CRACD: variants seen among roughly 807,000 people sequenced by gnomAD.
CRACD encodes capping protein inhibiting regulator of actin dynamics, also known as capping protein-inhibiting regulator of actin dynamics.
In CRACD, 56 loss-of-function variants were observed where a neutral mutation model predicts 106.8. The observed-to-expected ratio is 0.52, with a 90% CI of 0.42 to 0.66. The LOEUF (loss-of-function observed/expected upper bound fraction) is 0.66. Among genes scored for constraint, CRACD ranks in the 30% least tolerant of loss-of-function variants. CRACD has a pLI of 0.00. For missense variants in CRACD, 1,730 were observed against 1,623.2 expected (o/e 1.07, Z -1.13); for synonymous variants, 754 against 670.8 (o/e 1.12, Z -1.92).
rs2109488116 is a variant in CRACD at position 56,209,127 on chromosome 4, A to T, written c.-189+29697A>T. ...TTATCAATAAAGCTAATTTTAATAA[A>T]ACCTTATAAACAAACTCATTCAATG... is the stretch of plus-strand genomic sequence containing the variant. On this transcript the variant is annotated intron_variant, in intron 2 of 10. Transcript: ENST00000682029. Among the ~76,000 whole-genome samples, 4 of 152,314 alleles carry T rather than the reference A, an allele frequency of 2.6e-5. 1 individual carries two copies. The highest frequency in any genetic ancestry group is 9.6e-5 in the African/African-American group (4 of 41,578).
At chr4:56,248,576 G>GT (rs200848903) in intron 2 of CRACD, among the ~76,000 whole-genome samples, 16 of 147,006 alleles carry the variant, frequency 1.1e-4, no homozygotes, top group African/African-American at 1.5e-4. Context: ...TTACCTATGT[G>GT]TTTTTTTTTT....
intron 2 of CRACD, among the ~76,000 whole-genome samples, chr4:56,192,404 A>C (rs1234262137): frequency 6.6e-6 from 1 of 152,142 alleles, no homozygotes; most frequent in Non-Finnish European, 1.5e-5. Context: ...CAAAAAAAAA[A>C]AAAGAAAGTA....
chr4:56,215,578 T>C (rs567566973), intron 2 of CRACD, among the ~76,000 whole-genome samples: 46 of 152,362 alleles, frequency 3.0e-4, no homozygotes, highest in African/African-American at 1.1e-3. Context: ...GACTATGAGC[T>C]CTTGAGAAAC....
intron 2 of CRACD, among the ~76,000 whole-genome samples, chr4:56,235,638 A>G (rs1739923530): frequency 1.3e-5 from 2 of 152,204 alleles, no homozygotes; most frequent in African/African-American, 4.8e-5. Flanking sequence ...AAGTATGATC[A>G]TGTCCAGATT....
intron 1 of CRACD, among the ~76,000 whole-genome samples, chr4:56,134,845 T>G (rs188144012): frequency 6.6e-6 from 1 of 152,250 alleles, no homozygotes; most frequent in East Asian, 1.9e-4. Context: ...ATGAGCAGGT[T>G]CTAGAGGGGT....
intron 7 of CRACD, 77 bp downstream of exon 7, chr4:56,313,456 T>C: frequency 7.4e-7 from 1 of 1,346,696 alleles, no homozygotes; most frequent in Middle Eastern, 2.6e-4. Flanking sequence ...GGGTTGGCAT[T>C]GGGGTGGAGC....
At position 56,211,463 on chromosome 4, in the gene CRACD, G is replaced by A. The variant is rs117521770; in HGVS notation, c.-189+32033G>A. Among the ~76,000 whole-genome samples, 32 of 152,342 alleles carry A rather than the reference G, an allele frequency of 2.1e-4. No homozygotes were observed. In the East Asian group the frequency reaches 6.2e-3, roughly 29 times the overall value. Reference sequence around the variant, plus strand: ...TCCAGGTGTGCCCCAGCCTGCCTTTGTTATAGCCTGTACCCAGCTTTGGCA... The same window carrying A: ...TCCAGGTGTGCCCCAGCCTGCCTTTATTATAGCCTGTACCCAGCTTTGGCA... On this transcript the variant is annotated intron_variant, in intron 2 of 10. Coordinates refer to ENST00000682029, the MANE Select transcript of CRACD (RefSeq NM_001393381.1).
rs1443066108 is a variant in CRACD at position 56,057,844 on chromosome 4, A to G, written c.-336+8545A>G. 7.4e-3 allele frequency among the ~76,000 whole-genome samples: 310 copies of G among 41,800 alleles called. 3 individuals are homozygous for G. The highest frequency in any genetic ancestry group is 0.038 in the Middle Eastern group (2 of 52). The allele number at this position is 41,800 out of a possible 152,430, so 27.4% of individuals were successfully genotyped here. ...TTTTTTTTTTTTTTTTTTGAGACGG[A>G]GTCTCGCTCTGTCGCCCAGGCTGGA... On this transcript the variant is annotated intron_variant, in intron 1 of 10. Transcript: ENST00000682029.
intron 3 of CRACD, among the ~76,000 whole-genome samples, chr4:56,292,651 A>G (rs1383339251): frequency 6.6e-6 from 1 of 151,942 alleles, no homozygotes; most frequent in African/African-American, 2.4e-5. Context: ...CAGCCTCCCG[A>G]GTAGCTGGGA....
intron 5 of CRACD, among the ~76,000 whole-genome samples, chr4:56,309,435 G>A (rs1293008696): frequency 6.6e-6 from 1 of 152,122 alleles, no homozygotes; most frequent in African/African-American, 2.4e-5. Flanking sequence ...GTGTCGCAGG[G>A]GCCAGGCAGT....
rs745690688 is a variant in CRACD at position 56,316,158 on chromosome 4, G to A, written c.2656G>A (p.Ala886Thr). 1.2e-6 allele frequency: 2 copies of A among 1,614,174 alleles called. No individual in the cohort carries two copies. The highest frequency in any genetic ancestry group is 2.2e-5 in the South Asian group (2 of 91,080). ...GDSADAGPPA[A>T]GSARGEKEME... The stretch of plus-strand genomic sequence containing the variant: ...CAGCGCGGATGCAGGGCCGCCTGCA[G>A]CGGGGAGCGCTCGTGGAGAGAAAGA... The change falls in exon 8 of 11, where the codon GCG (alanine) becomes ACG (threonine). Residue 886 changes from alanine (A) to threonine (T), a missense_variant. Ala to Thr is a moderately conservative substitution (Grantham distance 58, BLOSUM62 0). Transcript: ENST00000682029.
chr4:56,287,471 G>A (rs1743438855), intron 3 of CRACD, among the ~76,000 whole-genome samples: 1 of 151,932 alleles, frequency 6.6e-6, no homozygotes, highest in Admixed American at 6.6e-5. Context: ...TTAGTAGAGG[G>A]GGTTTCACCA....
intron 2 of CRACD, among the ~76,000 whole-genome samples, chr4:56,188,943 G>A (rs1433496215): frequency 1.3e-5 from 2 of 152,096 alleles, no homozygotes; most frequent in African/African-American, 2.4e-5. Context: ...AGGCCGAAGC[G>A]GGTGGATCAC....
At chr4:56,220,605 T>G (rs937969673) in intron 2 of CRACD, among the ~76,000 whole-genome samples, 10 of 151,872 alleles carry the variant, frequency 6.6e-5, no homozygotes, top group African/African-American at 9.7e-5. Flanking sequence ...TAAAATTCTT[T>G]GCAAGCCCGG....
chr4:56,106,160 A>C lies in CRACD; in HGVS notation c.-336+56861A>C, dbSNP rs531201945. Among the ~76,000 whole-genome samples the C allele has an allele frequency of 1.3e-4, 18 of 141,564 alleles. 1 individual carries two copies. Among genetic ancestry groups the C allele is most frequent in the Middle Eastern group, 3.4e-3 (1 of 292 alleles). The allele number at this position is 141,564 out of a possible 152,430, so 92.9% of individuals were successfully genotyped here. On this transcript the variant is annotated intron_variant, in intron 1 of 10. Coordinates refer to ENST00000682029, the MANE Select transcript of CRACD (RefSeq NM_001393381.1). ...TGGTTCCCATTCAGGGGCCTGGATG[A>C]GGCAACTGTACTTGCAAGTCCAGAC...
chr4:56,284,082 CT>C (rs1159981623), intron 3 of CRACD, among the ~76,000 whole-genome samples: 1 of 152,114 alleles, frequency 6.6e-6, no homozygotes, highest in Non-Finnish European at 1.5e-5. Flanking sequence ...CTGCCTCACG[CT>C]TTCCATTGTG....
At chr4:56,227,706 CTATT>C (rs1164996948) in intron 2 of CRACD, among the ~76,000 whole-genome samples, 1 of 152,172 alleles carries the variant, frequency 6.6e-6, no homozygotes, top group Non-Finnish European at 1.5e-5. Flanking sequence ...CAACAAAACT[CTATT>C]TACGAAAACA....
chr4:56,189,402 T>G (rs1339873642), intron 2 of CRACD, among the ~76,000 whole-genome samples: 7 of 151,950 alleles, frequency 4.6e-5, no homozygotes, highest in Admixed American at 4.6e-4. Context: ...TTAAAAAAAT[T>G]TTATTATTAT....
intron 3 of CRACD, among the ~76,000 whole-genome samples, chr4:56,288,020 A>T (rs1164238186): frequency 6.6e-6 from 1 of 152,122 alleles, no homozygotes; most frequent in Non-Finnish European, 1.5e-5. Context: ...GGTTCATGGT[A>T]TTTGAACCTT....
Sources: gnomAD v4.1 joint callset for allele counts (sites outside exome capture counted in the v4.1 genomes callset) on GRCh38, gnomAD v4.1.1 for gene constraint, MANE v1.5 for transcripts, NCBI Gene and HGNC (gene_info 2026-07-23, HGNC 2026-07-21) for gene names.